Variants in PIP observed in about 807,000 individuals in gnomAD.
The protein encoded by PIP is prolactin-inducible protein.
Under a neutral mutation model 12.8 loss-of-function variants are expected in PIP, and 9 were observed. That is an observed-to-expected ratio of 0.70 (90% CI 0.42 to 1.23). The LOEUF (loss-of-function observed/expected upper bound fraction) is 1.23. Ranked by LOEUF, PIP falls within the 50% of genes most tolerant of loss-of-function variation. PIP has a pLI of 0.00. For synonymous variants in PIP, 60 were observed against 66.1 expected (o/e 0.91, Z 0.45); for missense variants, 172 against 179.5 (o/e 0.96, Z 0.24).
rs1277832613 is a variant in PIP, at chr7:143,134,233, T to TAAAA, written c.96-960_96-959insAAAA. Among the ~76,000 whole-genome samples the TAAAA allele has an allele frequency of 7.1e-4, 61 of 86,380 alleles. 1 individual carries two copies. The highest frequency in any genetic ancestry group is 2.7e-3 in the African/African-American group (58 of 21,542). The allele number at this position is 86,380 out of a possible 152,430, so 56.7% of individuals were successfully genotyped here. Reference sequence around the variant, plus strand: ...ATATATATATATATATATATATATATACCACAGTTTCTTTATCCACTCGTT... The same window carrying TAAAA: ...ATATATATATATATATATATATATATAAAAACCACAGTTTCTTTATCCACTCGTT... On this transcript the variant is annotated intron_variant, in intron 1 of 3. Coordinates refer to ENST00000291009, the MANE Select transcript of PIP (RefSeq NM_002652.3).
intron 1 of PIP, among the ~76,000 whole-genome samples, chr7:143,134,320 ATG>A (rs1799281672): frequency 6.7e-6 from 1 of 148,610 alleles, no homozygotes; most frequent in Non-Finnish European, 1.5e-5. Flanking sequence ...TGCTATAAAC[ATG>A]TGTGTGCAAG....
Position 143,139,668 on chromosome 7 carries a change from C to A in PIP, c.*26C>A, listed in dbSNP as rs372135044. On this transcript the variant is annotated 3_prime_UTR_variant, in exon 4 of 4. Transcript: ENST00000291009. ...TGGAAGCCCTGTCTGTTTGCCACACCCAGGTGATTTCCTCTAAAGAAACTT... is the reference window on the plus strand; with the variant it reads ...TGGAAGCCCTGTCTGTTTGCCACACACAGGTGATTTCCTCTAAAGAAACTT... 3.1e-6 allele frequency: 5 copies of A among 1,590,654 alleles called. No homozygotes were observed. Among genetic ancestry groups the A allele is most frequent in the Admixed American group, 1.7e-5 (1 of 59,150 alleles).
chr7:143,137,771 G>A (rs528723271), intron 2 of PIP, among the ~76,000 whole-genome samples: 1 of 151,952 alleles, frequency 6.6e-6, no homozygotes, highest in South Asian at 2.1e-4. Flanking sequence ...CTGGTAGCAC[G>A]CACCTGTAAT....
chr7:143,136,214 C>T (rs1372458943), intron 2 of PIP, among the ~76,000 whole-genome samples: 1 of 151,964 alleles, frequency 6.6e-6, no homozygotes, highest in Non-Finnish European at 1.5e-5. Flanking sequence ...AAACTGCCCC[C>T]ACTACCTTTG....
intron 1 of PIP, among the ~76,000 whole-genome samples, chr7:143,133,059 G>T (rs1442908108): frequency 6.6e-6 from 1 of 151,954 alleles, no homozygotes; most frequent in Non-Finnish European, 1.5e-5. Context: ...CCCTGCATGG[G>T]GACAGGTTCA....
At chr7:143,135,428 T>C in intron 2 of PIP, 129 bp downstream of exon 2, 1 of 476,274 alleles carries the variant, frequency 2.1e-6, no homozygotes, top group Non-Finnish European at 3.8e-6. Context: ...TTATGCTACT[T>C]GAGACTCAGA....
intron 1 of PIP, among the ~76,000 whole-genome samples, chr7:143,133,724 C>T (rs1380791797): frequency 1.3e-5 from 2 of 152,004 alleles, no homozygotes; most frequent in Non-Finnish European, 2.9e-5. Context: ...AATTCCTAAA[C>T]CCTACCTGGG....
In PIP at chr7:143,135,211, A is replaced by C; in HGVS notation, c.113A>C (p.Lys38Thr). Reference protein sequence around the residue: ...AQDNTRKIIIKNFDIPKSVRP... With the variant: ...AQDNTRKIIITNFDIPKSVRP... Reference sequence around the variant, plus strand: ...ACAATCAGTCGGAAGATCATAATAAAGAATTTTGACATTCCCAAGTCAGTA... The same window carrying C: ...ACAATCAGTCGGAAGATCATAATAACGAATTTTGACATTCCCAAGTCAGTA... Residue 38 changes from lysine (K) to threonine (T), a missense_variant, in exon 2 of 4, where the codon AAG becomes ACG. Coordinates refer to ENST00000291009, the MANE Select transcript of PIP (RefSeq NM_002652.3). 6.3e-7 allele frequency: 1 copy of C among 1,576,210 alleles called. No individual in the cohort carries two copies. Among genetic ancestry groups the C allele is most frequent in the African/African-American group, 1.3e-5 (1 of 74,452 alleles).
intron 2 of PIP, 64 bp from the exon 3 acceptor site, chr7:143,139,011 T>C (rs890749732): frequency 3.5e-6 from 3 of 863,112 alleles, no homozygotes; most frequent in Non-Finnish European, 6.0e-6. Flanking sequence ...CTCTCCTATT[T>C]TTCCCTCCCT....
Position 143,139,506 on chromosome 7 carries a change from T to C in PIP, c.317-12T>C. 1.2e-6 allele frequency: 2 copies of C among 1,613,088 alleles called. No homozygotes were observed. Among genetic ancestry groups the C allele is most frequent in the Non-Finnish European group, 1.7e-6 (2 of 1,179,106 alleles). ...GTGTCTGAGAGATGATCTCCGTCCC[T>C]GTCTTTTTCAGGAACTGTGCAAATT... On this transcript the variant is annotated splice_polypyrimidine_tract_variant and intron_variant, in intron 3 of 3. Coordinates refer to ENST00000291009, the MANE Select transcript of PIP (RefSeq NM_002652.3).
At chr7:143,132,515 T>C (rs1412199961) in intron 1 of PIP, among the ~76,000 whole-genome samples, 1 of 152,180 alleles carries the variant, frequency 6.6e-6, no homozygotes, top group Non-Finnish European at 1.5e-5. Context: ...GTTCATAATT[T>C]ATACCTTTGT....
intron 1 of PIP, among the ~76,000 whole-genome samples, chr7:143,134,172 T>G (rs1799274036): frequency 8.3e-6 from 1 of 120,028 alleles, no homozygotes; most frequent in African/African-American, 3.1e-5. Context: ...GGCTGAGTAG[T>G]AGTATTCCAT....
At chr7:143,134,277 T>C (rs1799281132) in intron 1 of PIP, among the ~76,000 whole-genome samples, 1 of 141,156 alleles carries the variant, frequency 7.1e-6, no homozygotes, top group African/African-American at 2.6e-5. Flanking sequence ...GGCATTTGGG[T>C]TGGTTCCACA....
intron 1 of PIP, 97 bp downstream of exon 1, chr7:143,132,308 A>G: frequency 2.2e-6 from 3 of 1,382,982 alleles, no homozygotes; most frequent in Non-Finnish European, 1.0e-6. Flanking sequence ...ATTTCTTTCA[A>G]CTTCCCAGAA....
chr7:143,134,195 T>C, intron 1 of PIP, among the ~76,000 whole-genome samples: 1 of 58,246 alleles, frequency 1.7e-5, no homozygotes, highest in African/African-American at 8.0e-5. Flanking sequence ...TATATATATA[T>C]ATATATATAT....
chr7:143,134,230 AT>A lies in PIP; in HGVS notation c.96-963del, dbSNP rs1255279146. Among the ~76,000 whole-genome samples the A allele has an allele frequency of 1.5e-3, 121 of 81,456 alleles. 4 individuals are homozygous for A. Among genetic ancestry groups the A allele is most frequent in the African/African-American group, 4.1e-3 (89 of 21,568 alleles). 53.4% of individuals were successfully genotyped at this position (81,456 alleles called of 152,430 possible). A position where few individuals can be genotyped will look rare whatever the true frequency, so the allele number is the denominator to read the frequency against. ...TATATATATATATATATATATATAT[AT>A]ATACCACAGTTTCTTTATCCACTCG... On this transcript the variant is annotated intron_variant, in intron 1 of 3. Transcript: ENST00000291009.
chr7:143,139,395 G>A, intron 3 of PIP, 123 bp from the exon 4 acceptor site: 3 of 1,286,228 alleles, frequency 2.3e-6, no homozygotes, highest in Non-Finnish European at 3.3e-6. Flanking sequence ...AGTTGATACA[G>A]GAGACAAATT....
intron 2 of PIP, among the ~76,000 whole-genome samples, chr7:143,137,290 G>A (rs1323494402): frequency 6.6e-6 from 1 of 152,054 alleles, no homozygotes; most frequent in Non-Finnish European, 1.5e-5. Context: ...GGATTACAGA[G>A]AGAAACTACC....
chr7:143,136,852 AGACTAACT>A (rs1203782602), intron 2 of PIP, among the ~76,000 whole-genome samples: 2 of 152,018 alleles, frequency 1.3e-5, no homozygotes, highest in Non-Finnish European at 2.9e-5. Flanking sequence ...AGAAATCTTT[AGACTAACT>A]GACTTTGCAA....
Sources: allele counts gnomAD v4.1 joint callset (sites outside exome capture counted in the v4.1 genomes callset), GRCh38; gene constraint gnomAD v4.1.1; transcripts MANE v1.5; gene names NCBI Gene and HGNC (gene_info 2026-07-23, HGNC 2026-07-21).